Variants in SYNRG observed in about 807,000 individuals in gnomAD.
SYNRG encodes synergin gamma, also known as AP1 gamma subunit binding protein 1.
In SYNRG, 37 loss-of-function variants were observed where a neutral mutation model predicts 130.9. The observed-to-expected ratio is 0.28, with a 90% CI of 0.22 to 0.37. SYNRG has a LOEUF of 0.37. Among genes scored for constraint, SYNRG ranks in the 10% least tolerant of loss-of-function variants. The pLI, the probability that SYNRG is intolerant of heterozygous loss-of-function variation, is 1.00. For missense variants in SYNRG, 1,338 were observed against 1,588.9 expected (o/e 0.84, Z 2.68); for synonymous variants, 539 against 568.1 (o/e 0.95, Z 0.73).
chr17:37,541,953 T>G lies in SYNRG; in HGVS notation c.3202+19A>C. 4 of 1,594,590 alleles carry G rather than the reference T, an allele frequency of 2.5e-6. No individual in the cohort carries two copies. In the South Asian group the frequency reaches 4.4e-5, roughly 18 times the overall value. On this transcript the variant is annotated intron_variant, in intron 15 of 21. Coordinates refer to ENST00000612223, the MANE Select transcript of SYNRG (RefSeq NM_007247.6). Reference sequence around the variant, plus strand: ...GGAAAAAAACCACAATAGTAAAATCTACCTTGGAAGCTACTCACCTTGAAC... The same window carrying G: ...GGAAAAAAACCACAATAGTAAAATCGACCTTGGAAGCTACTCACCTTGAAC...
At position 37,577,475 on chromosome 17, in the gene SYNRG, G is replaced by A; in HGVS notation, c.728C>T (p.Ala243Val). The stretch of plus-strand genomic sequence containing the variant: ...TCCATCTACAGCAACCCCGTTACTG[G>A]CCATTAAACTGGGATACTTCTTACT... ...GSSKKYPSLM[A>V]SNGVAVDGCV... The change falls in exon 7 of 22, where the codon GCC becomes GTC. Residue 243 changes from alanine (A) to valine (V), a missense_variant. Physicochemically the swap from Ala to Val is moderately conservative, Grantham distance 64. This residue lies in a region of SYNRG where 1,146 missense variants were observed against 1,342.3 expected (regional missense o/e 0.85). Transcript: ENST00000612223. The A allele has an allele frequency of 6.2e-7, 1 of 1,614,104 alleles. No homozygotes were observed. The highest frequency in any genetic ancestry group is 8.5e-7 in the Non-Finnish European group (1 of 1,180,018).
intron 1 of SYNRG, chr17:37,605,693 A>G: frequency 2.9e-6 from 1 of 346,804 alleles, no homozygotes; most frequent in Non-Finnish European, 4.1e-6. Context: ...CAGTTAAGGC[A>G]TTAATAAGAC....
At chr17:37,562,476 A>C (rs1469035236) in intron 11 of SYNRG, among the ~76,000 whole-genome samples, 2 of 152,158 alleles carry the variant, frequency 1.3e-5, no homozygotes. Context: ...ACTACATTCC[A>C]CCACTAGTTT....
In SYNRG at chr17:37,561,529, A is replaced by C; in HGVS notation, c.1542T>G (p.Tyr514Ter). 1 of 1,613,908 alleles carries C rather than the reference A, an allele frequency of 6.2e-7. No homozygotes were observed. Among genetic ancestry groups the C allele is most frequent in the Non-Finnish European group, 8.5e-7 (1 of 1,179,832 alleles). The change falls in exon 12 of 22, where the codon TAT (tyrosine) becomes TAG (stop). Residue 514 changes from tyrosine (Y) to a stop codon, truncating the protein, a stop_gained. Coordinates refer to ENST00000612223, the MANE Select transcript of SYNRG (RefSeq NM_007247.6). LOFTEE classifies it high-confidence loss of function. ...CAGCTGCAATTCCTTTAAACACAGC[A>C]TATTTGTCCATTGAAGGCAATGCTT... is the stretch of plus-strand genomic sequence containing the variant. ...GTKALPSMDKYAVFKGIAADK... is the reference protein window; with the variant it reads ...GTKALPSMDK
intron 6 of SYNRG, among the ~76,000 whole-genome samples, chr17:37,581,839 A>C (rs2061367243): frequency 6.8e-6 from 1 of 147,870 alleles, no homozygotes; most frequent in Admixed American, 7.0e-5. Context: ...ATCTCCGCTC[A>C]CAGCAACCTC....
chr17:37,545,553 T>C (rs2058210239), intron 14 of SYNRG, among the ~76,000 whole-genome samples: 2 of 152,178 alleles, frequency 1.3e-5, no homozygotes, highest in African/African-American at 4.8e-5. Context: ...AAATGACTAA[T>C]ATAATCAGGT....
intron 18 of SYNRG, chr17:37,537,200 C>T (rs970509639): frequency 2.0e-5 from 3 of 152,350 alleles, no homozygotes; most frequent in African/African-American, 7.2e-5. Context: ...ACTCTCCACT[C>T]ATCCAGCAAA....
At chr17:37,530,436 C>G (rs1256506547) in intron 19 of SYNRG, among the ~76,000 whole-genome samples, 1 of 152,170 alleles carries the variant, frequency 6.6e-6, no homozygotes, top group East Asian at 1.9e-4. Flanking sequence ...CTTCTCTACC[C>G]CACAGCTTCA....
rs1598534659 is a variant in SYNRG, at chr17:37,586,533, C to T, written c.257G>A (p.Gly86Glu). The T allele has an allele frequency of 8.7e-6, 14 of 1,614,020 alleles. No homozygotes were observed. In the East Asian group the frequency reaches 2.9e-4, roughly 33 times the overall value. ...AGGCATTCCCGCTGCTGGCATTGGT[C>T]CCATTGGTATTCCTGCCTAGAAGAA... The part of the protein sequence containing the change: ...PIAMQAGIPM[G>E]PMPAAGMPYL... The change falls in exon 4 of 22, where the codon GGA becomes GAA. Residue 86 changes from glycine to glutamate, a missense_variant. Gly to Glu is a moderately conservative substitution (Grantham distance 98). Coordinates refer to ENST00000612223, the MANE Select transcript of SYNRG (RefSeq NM_007247.6).
At chr17:37,525,512 C>T (rs2143989020) in intron 19 of SYNRG, among the ~76,000 whole-genome samples, 1 of 152,340 alleles carries the variant, frequency 6.6e-6, no homozygotes, top group South Asian at 2.1e-4. Flanking sequence ...TGGCCTGTAA[C>T]TTGCCACAGT....
chr17:37,593,361 C>T (rs958638065), intron 3 of SYNRG, among the ~76,000 whole-genome samples: 5 of 151,838 alleles, frequency 3.3e-5, no homozygotes, highest in Admixed American at 1.3e-4. Context: ...TGCAGTGAGC[C>T]GAGATTGTAC....
chr17:37,600,675 C>T (rs192459102), intron 1 of SYNRG: 5 of 554,204 alleles, frequency 9.0e-6, no homozygotes, highest in Non-Finnish European at 1.6e-5. Flanking sequence ...TTCCAGTTTC[C>T]CCATCTATAA....
chr17:37,520,771 C>G, intron 19 of SYNRG, 123 bp from the exon 20 acceptor site: 2 of 734,342 alleles, frequency 2.7e-6, no homozygotes, highest in East Asian at 2.7e-5. Context: ...ACCACCACTA[C>G]AAGAATTAAC....
At chr17:37,580,496 T>TGC (rs2061221336) in intron 6 of SYNRG, among the ~76,000 whole-genome samples, 1 of 131,980 alleles carries the variant, frequency 7.6e-6, no homozygotes, top group African/African-American at 3.5e-5. Context: ...TGTGTGTGTG[T>TGC]GTGTGTGTGT....
chr17:37,566,952 A>G (rs2060044139), intron 11 of SYNRG: 2 of 152,254 alleles, frequency 1.3e-5, no homozygotes, highest in Non-Finnish European at 2.9e-5. Context: ...AAAGGGAAAC[A>G]GTCAGGTAAA....
At chr17:37,576,309 G>C (rs756485851) in intron 8 of SYNRG, 32 bp downstream of exon 8, 9 of 1,601,276 alleles carry the variant, frequency 5.6e-6, no homozygotes, top group African/African-American at 1.4e-5. Context: ...AAAATATCCA[G>C]ATGGGAATCC....
chr17:37,591,351 GAA>G (rs1010453643), intron 3 of SYNRG, among the ~76,000 whole-genome samples: 1 of 152,204 alleles, frequency 6.6e-6, no homozygotes, highest in Admixed American at 6.5e-5. Flanking sequence ...CTAAACAAAT[GAA>G]AAGACATCTC....
intron 9 of SYNRG, 141 bp downstream of exon 9, chr17:37,571,650 C>G (rs2060442941): frequency 2.7e-6 from 2 of 739,186 alleles, no homozygotes; most frequent in Non-Finnish European, 4.2e-6. Context: ...CTTATAAACT[C>G]TACATTTTTG....
chr17:37,581,955 G>A (rs1401854720), intron 6 of SYNRG, among the ~76,000 whole-genome samples: 1 of 152,058 alleles, frequency 6.6e-6, no homozygotes, highest in Non-Finnish European at 1.5e-5. Flanking sequence ...TAGAGACAGG[G>A]TTTTGCCATG....
Sources: gnomAD v4.1 joint callset for allele counts (sites outside exome capture counted in the v4.1 genomes callset) on GRCh38, gnomAD v4.1.1 for gene constraint, gnomAD v4.1.1 regional missense constraint, MANE v1.5 for transcripts, NCBI Gene and HGNC (gene_info 2026-07-23, HGNC 2026-07-21) for gene names.